Variants in ADGRG5 observed in about 807,000 individuals in gnomAD.
The protein encoded by ADGRG5 is G protein-coupled receptor 114.
A neutral mutation model predicts 53.2 loss-of-function variants in ADGRG5; 37 were observed. The ratio of observed to expected loss-of-function variants is 0.70; its 90% CI spans 0.53 to 0.91. The LOEUF is 0.91. Ranked by LOEUF, ADGRG5 falls within the 40% of genes least tolerant of loss-of-function variation. The probability of loss-of-function intolerance (pLI) is 0.00; values close to 1 mark genes in which losing one functional copy is unlikely to be tolerated. For synonymous variants in ADGRG5, 277 were observed against 290.4 expected, an observed-to-expected ratio of 0.95 and a Z score of 0.47; for missense variants, 614 against 675.8, an observed-to-expected ratio of 0.91 and a Z score of 1.01.
chr16:57,552,731 T>C (rs78091333), intron 1 of ADGRG5, among the ~76,000 whole-genome samples: 5,023 of 152,346 alleles, frequency 0.033, 261 homozygotes, highest in African/African-American at 0.11. Flanking sequence ...GCTTTTCCTT[T>C]GCATTCATAA....
Position 57,551,663 on chromosome 16 carries a change from A to C in ADGRG5, c.-39+8962A>C, listed in dbSNP as rs115482456. ...TCCCCACTGAAGTTTTGAACCCCTCAAAGTCGTCCATGAAGCATGGAATCA... is the reference window on the plus strand; with the variant it reads ...TCCCCACTGAAGTTTTGAACCCCTCCAAGTCGTCCATGAAGCATGGAATCA... On this transcript the variant is annotated intron_variant, in intron 1 of 11. Transcript: ENST00000349457. Among the ~76,000 whole-genome samples the C allele has an allele frequency of 9.8e-3, 1,497 of 152,308 alleles. 31 individuals are homozygous for C. Among genetic ancestry groups the C allele is most frequent in the South Asian group, 0.087 (420 of 4,832 alleles).
intron 6 of ADGRG5, chr16:57,565,565 C>T (rs2033112241): frequency 1.8e-5 from 5 of 271,698 alleles, no homozygotes; most frequent in Non-Finnish European, 3.4e-5. Flanking sequence ...TCCTTTCCCT[C>T]TTCCCATCAG....
chr16:57,542,652 A>ACAAGACAGCAGC lies in ADGRG5; in HGVS notation c.-86_-75dup, dbSNP rs2032513958. On this transcript the variant is annotated 5_prime_UTR_variant, in exon 1 of 12. Transcript: ENST00000349457. ...ACTTCCCCTTCTTCCTGCAGAAGCT[A>ACAAGACAGCAGC]CAAGACAGCAGCCGAGACAGCAGCT... 1 of 63,182 alleles carries ACAAGACAGCAGC rather than the reference A, an allele frequency of 1.6e-5. No individual in the cohort carries two copies. The highest frequency in any genetic ancestry group is 7.1e-5 in the African/African-American group (1 of 14,016). 3.9% of individuals were successfully genotyped at this position (63,182 alleles called of 1,614,324 possible).
chr16:57,537,032 G>C, the ADGRG5 span, among the ~76,000 whole-genome samples: 1 of 151,882 alleles, frequency 6.6e-6, no homozygotes, highest in Non-Finnish European at 1.5e-5. Flanking sequence ...TCGGGCCTCA[G>C]TTTCTCTTTC....
rs763252458 is a variant in ADGRG5 at position 57,575,098 on chromosome 16, G to A, written c.1486+6G>A. The A allele has an allele frequency of 6.2e-7, 1 of 1,606,458 alleles. No homozygotes were observed. On this transcript the variant is annotated splice_donor_region_variant and intron_variant, in intron 11 of 11. Coordinates refer to ENST00000349457, the MANE Select transcript of ADGRG5 (RefSeq NM_001304376.3). ...CATCTTAAACTCGCTCTACGGTAGG[G>A]CTGGAGGGCGGCCTGGAGGAAGCTA...
chr16:57,558,312 C>G (rs768777015), intron 1 of ADGRG5, among the ~76,000 whole-genome samples: 1 of 152,198 alleles, frequency 6.6e-6, no homozygotes, highest in African/African-American at 2.4e-5. Context: ...CTGTATACTA[C>G]AGGCTCCAAA....
chr16:57,566,606 A>G lies in ADGRG5; in HGVS notation c.554A>G (p.Tyr185Cys), dbSNP rs370131406. The change falls in exon 7 of 12, where the codon TAC becomes TGC. Residue 185 changes from tyrosine to cysteine, a missense_variant. Tyr to Cys is a radical substitution (Grantham distance 194). Coordinates refer to ENST00000349457, the MANE Select transcript of ADGRG5 (RefSeq NM_001304376.3). Reference sequence around the variant, plus strand: ...CCCAGCATCTCCACCCAGGAAGGCTACACCCTGACCTGTGTCTTCTGGAAG... The same window carrying G: ...CCCAGCATCTCCACCCAGGAAGGCTGCACCCTGACCTGTGTCTTCTGGAAG... Reference protein sequence around the residue: ...SFWHNQSLEGYTLTCVFWKEG... With the variant: ...SFWHNQSLEGCTLTCVFWKEG... The G allele has an allele frequency of 9.2e-6, 14 of 1,525,290 alleles. No homozygotes were observed. The highest frequency in any genetic ancestry group is 1.2e-5 in the Non-Finnish European group (14 of 1,137,892). The allele number at this position is 1,525,290 out of a possible 1,614,324, so 94.5% of individuals were successfully genotyped here.
At chr16:57,559,480 A>G (rs2032954566) in intron 1 of ADGRG5, among the ~76,000 whole-genome samples, 1 of 152,168 alleles carries the variant, frequency 6.6e-6, no homozygotes, top group South Asian at 2.1e-4. Flanking sequence ...CCAGTGGAGG[A>G]CTGTAGGAAG....
rs376578801 is a variant in ADGRG5 at position 57,575,040 on chromosome 16, C to T, written c.1434C>T (p.Gly478=). Residue 478 remains glycine (G), a synonymous_variant, in exon 11 of 12, where the codon GGC becomes GGT. Transcript: ENST00000349457. ...GGGCCTTGGCCTTCTTTTCTTTTGG[C>T]GTCTTCCTGCTGCCCCAGCTGTTCC... ...TTWALAFFSF[G]VFLLPQLFLF... 3.2e-5 allele frequency: 51 copies of T among 1,613,830 alleles called. No homozygotes were observed. The highest frequency in any genetic ancestry group is 3.1e-4 in the East Asian group (14 of 44,892).
At chr16:57,541,839 T>C (rs2032496509), upstream of ADGRG5, among the ~76,000 whole-genome samples, 1 of 152,348 alleles carries the variant, frequency 6.6e-6, no homozygotes, top group South Asian at 2.1e-4. Flanking sequence ...GTATGGCTGA[T>C]GCAGGACAGG....
intron 9 of ADGRG5, among the ~76,000 whole-genome samples, chr16:57,570,052 A>C (rs1216712789): frequency 2.0e-5 from 3 of 151,702 alleles, no homozygotes; most frequent in African/African-American, 7.3e-5. Context: ...CACTTCCTCC[A>C]CCTTCTCTAT....
chr16:57,538,217 C>CT (rs2032435852), upstream of ADGRG5, among the ~76,000 whole-genome samples: 1 of 152,192 alleles, frequency 6.6e-6, no homozygotes, highest in Non-Finnish European at 1.5e-5. Flanking sequence ...AAAGTAGGTG[C>CT]TGGCCACAGG....
chr16:57,563,479 C>G (rs1369864108), intron 4 of ADGRG5, among the ~76,000 whole-genome samples: 1 of 152,240 alleles, frequency 6.6e-6, no homozygotes, highest in East Asian at 1.9e-4. Flanking sequence ...GAATCTTCTT[C>G]CTGCTTTGGC....
the ADGRG5 span, among the ~76,000 whole-genome samples, chr16:57,531,463 C>T: frequency 6.7e-6 from 1 of 150,346 alleles, no homozygotes; most frequent in African/African-American, 2.5e-5. Flanking sequence ...CTTCACTCAC[C>T]TGGGTAACAG....
the ADGRG5 span, among the ~76,000 whole-genome samples, chr16:57,534,878 C>G: frequency 6.6e-6 from 1 of 152,196 alleles, no homozygotes; most frequent in Admixed American, 6.5e-5. Context: ...CCTAATTGAC[C>G]CACTGGGAAC....
intron 4 of ADGRG5, among the ~76,000 whole-genome samples, chr16:57,563,514 G>A (rs1458740169): frequency 2.0e-5 from 3 of 152,370 alleles, no homozygotes; most frequent in East Asian, 3.9e-4. Context: ...TGCGGGAGGC[G>A]CTGTGGGAGA....
rs558120313 is a variant in ADGRG5, at chr16:57,552,941, G to A, written c.-38-9115G>A. Among the ~76,000 whole-genome samples, 3 of 152,220 alleles carry A rather than the reference G, an allele frequency of 2.0e-5. No homozygotes were observed. The South Asian group carries it at 6.2e-4, about 32-fold the overall frequency. Reference sequence around the variant, plus strand: ...GATATTGTTGTGTCCTAGAGAATAGGGAGGCCCAAGAAGAGGGAGGGAGAC... The same window carrying A: ...GATATTGTTGTGTCCTAGAGAATAGAGAGGCCCAAGAAGAGGGAGGGAGAC... On this transcript the variant is annotated intron_variant, in intron 1 of 11. Coordinates refer to ENST00000349457, the MANE Select transcript of ADGRG5 (RefSeq NM_001304376.3).
At chr16:57,533,484 A>C in the ADGRG5 span, among the ~76,000 whole-genome samples, 1 of 150,032 alleles carries the variant, frequency 6.7e-6, no homozygotes, top group East Asian at 2.0e-4. Flanking sequence ...ACACATTCAC[A>C]CACACACCCC....
the ADGRG5 span, among the ~76,000 whole-genome samples, chr16:57,533,002 G>C: frequency 6.6e-6 from 1 of 152,178 alleles, no homozygotes. Context: ...CCTGGCACAG[G>C]GCTTGGCCCA....
Sources: allele counts gnomAD v4.1 joint callset (sites outside exome capture counted in the v4.1 genomes callset), GRCh38; gene constraint gnomAD v4.1.1; transcripts MANE v1.5; gene names NCBI Gene and HGNC (gene_info 2026-07-23, HGNC 2026-07-21).